The following TENM2 variants were observed in gnomAD, a reference collection of about 807,000 sequenced individuals.
The protein encoded by TENM2 is teneurin transmembrane protein 2, also known as teneurin-2.
In TENM2, 52 loss-of-function variants were observed where a neutral mutation model predicts 245.2. The ratio of observed to expected loss-of-function variants is 0.21; its 90% confidence interval spans 0.17 to 0.27. The LOEUF is 0.27. Among genes scored for constraint, TENM2 ranks in the 10% least tolerant of loss-of-function variants. The pLI is 1.00. For synonymous variants in TENM2, 1,363 were observed against 1,438.9 expected (o/e 0.95, Z 1.19); for missense variants, 3,046 against 3,666.8 (o/e 0.83, Z 4.37).
At chr5:168,240,445 T>C (rs1049372149) in intron 25 of TENM2, among the ~76,000 whole-genome samples, 13 of 152,170 alleles carry the variant, frequency 8.5e-5, no homozygotes, top group African/African-American at 3.1e-4. Context: ...CCACTGAGTA[T>C]TTATCTAAAC....
chr5:167,061,141 A>C, the TENM2 span, among the ~76,000 whole-genome samples: 1 of 152,090 alleles, frequency 6.6e-6, no homozygotes, highest in African/African-American at 2.4e-5. Flanking sequence ...CACCCCCCAC[A>C]CACGCACACG....
chr5:167,860,133 A>T (rs1771610079), intron 2 of TENM2, among the ~76,000 whole-genome samples: 3 of 76,504 alleles, frequency 3.9e-5, no homozygotes, highest in Non-Finnish European at 5.1e-5. Flanking sequence ...GGCCGCCCCT[A>T]CTGGGAAGTG....
intron 2 of TENM2, among the ~76,000 whole-genome samples, chr5:167,581,952 T>C (rs187205644): frequency 8.9e-4 from 135 of 152,246 alleles, no homozygotes; most frequent in South Asian, 6.2e-3. Context: ...TACAAAGCCA[T>C]TGGAGCCCAC....
At chr5:167,565,198 G>T (rs1773835210) in intron 2 of TENM2, among the ~76,000 whole-genome samples, 1 of 152,222 alleles carries the variant, frequency 6.6e-6, no homozygotes, top group African/African-American at 2.4e-5. Flanking sequence ...TAAGCTTCCA[G>T]GGATTGGTGA....
chr5:168,053,250 T>C (rs1789260168), intron 6 of TENM2, among the ~76,000 whole-genome samples: 2 of 152,356 alleles, frequency 1.3e-5, no homozygotes, highest in South Asian at 4.1e-4. Flanking sequence ...ACTACTTACA[T>C]GCACTTATAC....
At chr5:167,382,766 C>T (rs539330220) in intron 2 of TENM2, among the ~76,000 whole-genome samples, 1 of 152,142 alleles carries the variant, frequency 6.6e-6, no homozygotes. Flanking sequence ...GAAAGTTAGG[C>T]ACTGGAGGAG....
At chr5:167,358,332 T>C (rs188170383) in intron 1 of TENM2, among the ~76,000 whole-genome samples, 46 of 152,292 alleles carry the variant, frequency 3.0e-4, no homozygotes, top group Admixed American at 2.7e-3. Context: ...TTGTCCATTC[T>C]CAGTTCTCTT....
intron 2 of TENM2, among the ~76,000 whole-genome samples, chr5:167,777,357 G>A (rs1170005497): frequency 2.0e-5 from 3 of 152,094 alleles, no homozygotes; most frequent in Non-Finnish European, 4.4e-5. Context: ...TTCATACAAT[G>A]AATAAGTATA....
At chr5:168,200,280 C>CGGGG in intron 17 of TENM2, 149 bp downstream of exon 19, 1 of 727,284 alleles carries the variant, frequency 1.4e-6, no homozygotes, top group South Asian at 1.9e-5. Flanking sequence ...TCCTCTTCCA[C>CGGGG]GGGGTTTACA....
At chr5:168,100,924 T>TAAAAAAAAAA (rs11307488) in intron 9 of TENM2, among the ~76,000 whole-genome samples, 1 of 138,484 alleles carries the variant, frequency 7.2e-6, no homozygotes. Context: ...CAAGTATAAT[T>TAAAAAAAAAA]AAAAAAAAAA....
chr5:167,303,750 C>T (rs1320805211), intron 1 of TENM2, among the ~76,000 whole-genome samples: 1 of 151,924 alleles, frequency 6.6e-6, no homozygotes, highest in Non-Finnish European at 1.5e-5. Context: ...GTGAAAAGTC[C>T]CATACTCACA....
intron 2 of TENM2, among the ~76,000 whole-genome samples, chr5:167,493,055 T>A (rs1480201111): frequency 6.6e-6 from 1 of 152,104 alleles, no homozygotes; most frequent in Non-Finnish European, 1.5e-5. Flanking sequence ...TGCTGTGGGA[T>A]TCTGTGATTC....
chr5:167,542,091 G>C (rs961507770), intron 2 of TENM2, among the ~76,000 whole-genome samples: 12 of 152,184 alleles, frequency 7.9e-5, no homozygotes, highest in African/African-American at 2.4e-4. Context: ...CCAGACATGG[G>C]GAATGACCTT....
chr5:167,393,661 A>G (rs1410498882), intron 2 of TENM2, among the ~76,000 whole-genome samples: 3 of 152,176 alleles, frequency 2.0e-5, no homozygotes, highest in Non-Finnish European at 2.9e-5. Flanking sequence ...TCTGAGGGAA[A>G]TAAGCATCCA....
At chr5:168,238,178 A>G (rs868156697) in intron 25 of TENM2, among the ~76,000 whole-genome samples, 20 of 69,768 alleles carry the variant, frequency 2.9e-4, no homozygotes, top group Middle Eastern at 5.1e-3. Flanking sequence ...AGAGAGAGAG[A>G]GAGAGAGGGA....
intron 3 of TENM2, among the ~76,000 whole-genome samples, chr5:167,947,748 G>A (rs1250300744): frequency 6.6e-6 from 1 of 152,224 alleles, no homozygotes; most frequent in Non-Finnish European, 1.5e-5. Context: ...AAGGCAAAGA[G>A]TTTGTGGTTA....
At chr5:167,269,202 C>T in the TENM2 span, among the ~76,000 whole-genome samples, 2 of 152,036 alleles carry the variant, frequency 1.3e-5, no homozygotes, top group Non-Finnish European at 2.9e-5. Context: ...ATATTCAGGG[C>T]AGTTAACAGC....
the TENM2 span, among the ~76,000 whole-genome samples, chr5:167,023,448 A>G: frequency 6.6e-6 from 1 of 152,212 alleles, no homozygotes; most frequent in Non-Finnish European, 1.5e-5. Context: ...TCAGAGGGTT[A>G]GTTGAAAATC....
chr5:168,090,723 T>C (rs928395378), exon 8 of TENM2: 1 of 1,613,924 alleles, frequency 6.2e-7, no homozygotes, highest in Non-Finnish European at 8.5e-7. Context: ...CCTTCTACAA[T>C]GATGGAAAAG....
Sources: gnomAD v4.1 joint callset for allele counts (sites outside exome capture counted in the v4.1 genomes callset) on GRCh38, gnomAD v4.1.1 for gene constraint, MANE v1.5 for transcripts, NCBI Gene and HGNC (gene_info 2026-07-23, HGNC 2026-07-21) for gene names.